EED: variants seen among roughly 807,000 people sequenced by gnomAD.
EED encodes the protein embryonic ectoderm development.
Under a neutral mutation model 61.0 loss-of-function variants are expected in EED, and 9 were observed. The observed-to-expected ratio is 0.15, with a 90% CI of 0.09 to 0.26. The LOEUF (loss-of-function observed/expected upper bound fraction) is 0.26, where lower values mean the gene tolerates loss of function less well. Ranked by LOEUF, EED falls within the 10% of genes least tolerant of loss-of-function variation. The probability of loss-of-function intolerance (pLI) is 1.00; values close to 1 mark genes in which losing one functional copy is unlikely to be tolerated. For synonymous variants in EED, 187 were observed against 174.4 expected (o/e 1.07, Z -0.57); for missense variants, 315 against 542.3 (o/e 0.58, Z 4.16).
the EED span, among the ~76,000 whole-genome samples, chr11:86,285,723 G>C: frequency 6.6e-6 from 1 of 151,968 alleles, no homozygotes; most frequent in Non-Finnish European, 1.5e-5. Flanking sequence ...TCAGCCTCCT[G>C]AGTAGCTGGG....
At chr11:86,259,863 G>A (rs1945783328) in intron 6 of EED, among the ~76,000 whole-genome samples, 1 of 152,196 alleles carries the variant, frequency 6.6e-6, no homozygotes, top group Admixed American at 6.5e-5. Flanking sequence ...GTATTGACTG[G>A]CACAAGAAGA....
rs1406249504 is a variant in EED, at chr11:86,245,029, G to GCGCGCC, written c.-199_-194dup. ...GGAAGCCGCGCGGGAGGGCGCGCGCGCGCGCCCCTTTTTCAGCAGTGTGGC... is the reference window on the plus strand; with the variant it reads ...GGAAGCCGCGCGGGAGGGCGCGCGCGCGCGCCCGCGCCCCTTTTTCAGCAGTGTGGC... On this transcript the variant is annotated 5_prime_UTR_variant, in exon 1 of 12. Coordinates refer to ENST00000263360, the MANE Select transcript of EED (RefSeq NM_003797.5). 3 of 477,748 alleles carry GCGCGCC rather than the reference G, an allele frequency of 6.3e-6. No individual in the cohort carries two copies. The highest frequency in any genetic ancestry group is 1.1e-5 in the Non-Finnish European group (3 of 268,600). The allele number at this position is 477,748 out of a possible 1,614,324, so 29.6% of individuals were successfully genotyped here.
chr11:86,265,815 G>A (rs1290218151), intron 7 of EED: 4 of 214,178 alleles, frequency 1.9e-5, no homozygotes, highest in Non-Finnish European at 3.7e-5. Context: ...ATATTTTAGT[G>A]TAATTGAATA....
At chr11:86,249,063 T>A (rs1487348685) in intron 1 of EED, among the ~76,000 whole-genome samples, 6 of 152,144 alleles carry the variant, frequency 3.9e-5, no homozygotes, top group Non-Finnish European at 5.9e-5. Flanking sequence ...CTTGGAAGGA[T>A]GTGCTATATA....
At chr11:86,286,001 T>C in the EED span, among the ~76,000 whole-genome samples, 1 of 151,690 alleles carries the variant, frequency 6.6e-6, no homozygotes, top group African/African-American at 2.4e-5. Context: ...TATTTTGTTC[T>C]TACCAGGGGA....
chr11:86,267,192 A>G (rs2138200549), intron 8 of EED, among the ~76,000 whole-genome samples: 1 of 152,324 alleles, frequency 6.6e-6, no homozygotes, highest in East Asian at 1.9e-4. Context: ...ATACAATTAT[A>G]GTATGTATTT....
At chr11:86,271,165 G>A (rs1946102476) in intron 9 of EED, among the ~76,000 whole-genome samples, 1 of 152,104 alleles carries the variant, frequency 6.6e-6, no homozygotes, top group Non-Finnish European at 1.5e-5. Context: ...ATCCATGATT[G>A]TGGTATGTCT....
At chr11:86,285,628 G>A in the EED span, among the ~76,000 whole-genome samples, 111 of 151,800 alleles carry the variant, frequency 7.3e-4, 1 homozygote, top group East Asian at 0.017. Flanking sequence ...ACAGAGTTTC[G>A]CTCTTGTTGC....
At chr11:86,245,456 C>A in intron 1 of EED, 113 bp downstream of exon 1, 3 of 868,180 alleles carry the variant, frequency 3.5e-6, no homozygotes, top group South Asian at 1.5e-5. Context: ...AGGTGTCACT[C>A]AGGAAAACGC....
At chr11:86,279,561 T>G (rs76298858), downstream of EED, among the ~76,000 whole-genome samples, 13 of 152,318 alleles carry the variant, frequency 8.5e-5, 1 homozygote, top group East Asian at 2.5e-3. Context: ...GAAGAAAGCC[T>G]GAATGATCAT....
intron 8 of EED, 91 bp from the exon 9 acceptor site, chr11:86,268,365 T>C: frequency 1.2e-6 from 1 of 844,140 alleles, no homozygotes; most frequent in Non-Finnish European, 1.8e-6. Context: ...ACATTTTGTT[T>C]TTCCAAGTTT....
At chr11:86,282,057 CAATACATAG>C (rs1054734417), downstream of EED, among the ~76,000 whole-genome samples, 12 of 152,276 alleles carry the variant, frequency 7.9e-5, no homozygotes, top group African/African-American at 2.9e-4. Context: ...CAACAATTAT[CAATACATAG>C]CCAATCTTGA....
intron 1 of EED, among the ~76,000 whole-genome samples, chr11:86,246,593 G>T (rs1945397518): frequency 6.6e-6 from 1 of 152,194 alleles, no homozygotes; most frequent in Non-Finnish European, 1.5e-5. Flanking sequence ...TCAAATTTCA[G>T]AAAAGCTTGG....
chr11:86,245,334 A>C lies in EED; in HGVS notation c.105A>C (p.Gly35=). 1 of 1,612,278 alleles carries C rather than the reference A, an allele frequency of 6.2e-7. No individual in the cohort carries two copies. The highest frequency in any genetic ancestry group is 8.5e-7 in the Non-Finnish European group (1 of 1,179,314). Residue 35 remains glycine, a synonymous_variant, in exon 1 of 12, where the codon GGA becomes GGC. Coordinates refer to ENST00000263360, the MANE Select transcript of EED (RefSeq NM_003797.5). The stretch of plus-strand genomic sequence containing the variant: ...AGAACAGCAATCCAGACCTCTCTGG[A>C]GACGAGAATGTAAGTGCAGCTTCTG... ...SDENSNPDLS[G]DENDDAVSIE... is the part of the protein sequence containing the mutation.
At chr11:86,264,062 C>A in intron 6 of EED, 110 bp from the exon 7 acceptor site, 1 of 767,250 alleles carries the variant, frequency 1.3e-6, no homozygotes, top group Non-Finnish European at 2.1e-6. Context: ...CATTTTTAGG[C>A]TTTACTGTGC....
In EED at chr11:86,245,515, GC is replaced by G. The variant is rs761881536; in HGVS notation, c.114+174del. On this transcript the variant is annotated intron_variant, in intron 1 of 11. Coordinates refer to ENST00000263360, the MANE Select transcript of EED (RefSeq NM_003797.5). The stretch of plus-strand genomic sequence containing the variant: ...TTGCCTACGGGGATTTTGATGTGGG[GC>G]CGAGAGCAAGCAGGAACTAGGCAAA... 3.3e-5 allele frequency among the ~76,000 whole-genome samples: 5 copies of G among 151,780 alleles called. No individual in the cohort carries two copies. The South Asian group carries it at 1.0e-3, about 31-fold the overall frequency.
intron 4 of EED, 77 bp downstream of exon 4, chr11:86,255,364 TAA>T: frequency 8.7e-7 from 1 of 1,150,378 alleles, no homozygotes; most frequent in East Asian, 2.4e-5. Flanking sequence ...TTTTATAAAT[TAA>T]TCATTTCCCT....
chr11:86,247,752 A>G (rs1565686798), intron 1 of EED, among the ~76,000 whole-genome samples: 1 of 152,244 alleles, frequency 6.6e-6, no homozygotes, highest in Admixed American at 6.5e-5. Context: ...GATAAGGGCA[A>G]TAGTTTTACT....
chr11:86,256,091 A>G (rs1321774486), intron 4 of EED, among the ~76,000 whole-genome samples: 1 of 152,192 alleles, frequency 6.6e-6, no homozygotes, highest in African/African-American at 2.4e-5. Flanking sequence ...TTTGAACACA[A>G]CCATGCCCAT....
Sources: gnomAD v4.1 joint callset for allele counts (sites outside exome capture counted in the v4.1 genomes callset) on GRCh38, gnomAD v4.1.1 for gene constraint, MANE v1.5 for transcripts, NCBI Gene and HGNC (gene_info 2026-07-23, HGNC 2026-07-21) for gene names.